COMMD10: variants seen among roughly 807,000 people sequenced by gnomAD.
COMMD10 encodes the protein COMM domain containing 10.
COMMD10 carries 33 observed loss-of-function variants against 28.9 expected under a neutral mutation model. That is an observed-to-expected ratio of 1.14 (90% confidence interval 0.87 to 1.53). The LOEUF (loss-of-function observed/expected upper bound fraction) is 1.53, where lower values mean the gene tolerates loss of function less well. COMMD10 is among the 40% of genes most tolerant of loss of function. COMMD10 has a pLI of 0.00. For missense variants in COMMD10, 310 were observed against 233.4 expected (o/e 1.33, Z -2.14); for synonymous variants, 110 against 81.7 (o/e 1.35, Z -1.87).
chr5:116,199,035 C>A (rs1425779722), intron 5 of COMMD10, among the ~76,000 whole-genome samples: 1 of 152,120 alleles, frequency 6.6e-6, no homozygotes, highest in Non-Finnish European at 1.5e-5. Context: ...AATTGCCAAA[C>A]TGTCTTTCAT....
intron 5 of COMMD10, among the ~76,000 whole-genome samples, chr5:116,283,442 G>A (rs781352839): frequency 6.6e-6 from 1 of 151,438 alleles, no homozygotes; most frequent in Non-Finnish European, 1.5e-5. Context: ...CACCTCCCGG[G>A]TTCAAGCGAT....
intron 5 of COMMD10, among the ~76,000 whole-genome samples, chr5:116,230,274 T>C (rs754839729): frequency 2.0e-5 from 3 of 152,040 alleles, no homozygotes; most frequent in Non-Finnish European, 2.9e-5. Flanking sequence ...AATGGTGTAG[T>C]AGCATCTTAA....
At chr5:116,170,053 C>G (rs1027404342) in intron 5 of COMMD10, among the ~76,000 whole-genome samples, 1 of 152,152 alleles carries the variant, frequency 6.6e-6, no homozygotes, top group Non-Finnish European at 1.5e-5. Flanking sequence ...AAAATTGTCT[C>G]TTTTTGCAGA....
intron 5 of COMMD10, among the ~76,000 whole-genome samples, chr5:116,206,418 A>G (rs527298336): frequency 1.3e-5 from 2 of 152,290 alleles, no homozygotes; most frequent in East Asian, 1.9e-4. Context: ...TGGGAGGCCA[A>G]GGTGGGCAGA....
chr5:116,137,328 T>TA (rs1437925991), intron 5 of COMMD10, among the ~76,000 whole-genome samples: 2 of 152,026 alleles, frequency 1.3e-5, no homozygotes, highest in African/African-American at 4.8e-5. Flanking sequence ...GAGCATGTTT[T>TA]AAAAAACAAG....
chr5:116,259,925 T>C (rs1750395813), intron 5 of COMMD10, among the ~76,000 whole-genome samples: 1 of 151,810 alleles, frequency 6.6e-6, no homozygotes, highest in African/African-American at 2.4e-5. Context: ...TTTCTTGTTT[T>C]AGCTGCAGGT....
intron 5 of COMMD10, among the ~76,000 whole-genome samples, chr5:116,136,074 G>T (rs1752017788): frequency 6.6e-6 from 1 of 151,968 alleles, no homozygotes; most frequent in Non-Finnish European, 1.5e-5. Context: ...TTTGTTTTTG[G>T]CTAAAATAAA....
At chr5:116,278,071 C>T (rs1296792726) in intron 5 of COMMD10, among the ~76,000 whole-genome samples, 3 of 151,746 alleles carry the variant, frequency 2.0e-5, no homozygotes, top group Non-Finnish European at 4.4e-5. Context: ...GATAGTAACA[C>T]ATGTCTTGAG....
intron 5 of COMMD10, among the ~76,000 whole-genome samples, chr5:116,136,036 C>G (rs1752016380): frequency 6.6e-6 from 1 of 152,166 alleles, no homozygotes; most frequent in African/African-American, 2.4e-5. Flanking sequence ...TAAATGCTGG[C>G]TACTACCATC....
At chr5:116,204,174 C>T (rs906519127) in intron 5 of COMMD10, among the ~76,000 whole-genome samples, 32 of 152,238 alleles carry the variant, frequency 2.1e-4, no homozygotes, top group African/African-American at 7.7e-4. Flanking sequence ...GGGATCAATT[C>T]AACAAGAAGA....
chr5:116,149,860 A>G (rs1752460848), intron 5 of COMMD10, among the ~76,000 whole-genome samples: 1 of 149,962 alleles, frequency 6.7e-6, no homozygotes, highest in Non-Finnish European at 1.5e-5. Context: ...CTTTAGTTTA[A>G]TTAGATCCCA....
intron 4 of COMMD10, among the ~76,000 whole-genome samples, chr5:116,132,689 A>G (rs750666579): frequency 1.4e-4 from 22 of 152,130 alleles, no homozygotes; most frequent in Middle Eastern, 3.2e-3. Flanking sequence ...ATATATGAGA[A>G]TGGTTATGAC....
intron 5 of COMMD10, among the ~76,000 whole-genome samples, chr5:116,201,233 GCA>G (rs1748658333): frequency 6.6e-6 from 1 of 152,148 alleles, no homozygotes; most frequent in African/African-American, 2.4e-5. Context: ...TTGGTAAGAA[GCA>G]CAGAGTGATC....
At chr5:116,148,846 AT>A (rs913953502) in intron 5 of COMMD10, among the ~76,000 whole-genome samples, 2 of 151,430 alleles carry the variant, frequency 1.3e-5, no homozygotes, top group Non-Finnish European at 3.0e-5. Context: ...GTTTTTTTGT[AT>A]TTTATTATTA....
At chr5:116,178,963 A>G (rs1221404744) in intron 5 of COMMD10, among the ~76,000 whole-genome samples, 1 of 152,114 alleles carries the variant, frequency 6.6e-6, no homozygotes, top group Non-Finnish European at 1.5e-5. Context: ...AGGCTTAGGG[A>G]TTTCAGACGC....
chr5:116,261,318 G>A (rs180815928), intron 5 of COMMD10, among the ~76,000 whole-genome samples: 27 of 151,780 alleles, frequency 1.8e-4, no homozygotes, highest in African/African-American at 6.1e-4. Flanking sequence ...AGATGTGACC[G>A]TTGCTATTTG....
At chr5:116,087,748 AG>A (rs1750155931) in intron 2 of COMMD10, among the ~76,000 whole-genome samples, 161 bp downstream of exon 2, 1 of 152,250 alleles carries the variant, frequency 6.6e-6, no homozygotes, top group African/African-American at 2.4e-5. Flanking sequence ...CAGAAGTTTG[AG>A]AAACTCTGTC....
intron 5 of COMMD10, among the ~76,000 whole-genome samples, chr5:116,290,655 C>G (rs1279832276): frequency 1.3e-5 from 2 of 151,850 alleles, no homozygotes; most frequent in African/African-American, 4.9e-5. Context: ...GTTCATGATG[C>G]CCATTTTATG....
At chr5:116,266,010 C>T (rs1025101423) in intron 5 of COMMD10, among the ~76,000 whole-genome samples, 4 of 151,668 alleles carry the variant, frequency 2.6e-5, no homozygotes, top group Non-Finnish European at 5.9e-5. Context: ...ATATGGAAGA[C>T]ATTGGTGCTC....
Sources: allele counts gnomAD v4.1 joint callset (sites outside exome capture counted in the v4.1 genomes callset), GRCh38; gene constraint gnomAD v4.1.1; transcripts MANE v1.5; gene names NCBI Gene and HGNC (gene_info 2026-07-23, HGNC 2026-07-21).